SCAF1: variants seen among roughly 807,000 people sequenced by gnomAD.
SCAF1 encodes splicing factor, arginine/serine-rich 19.
A neutral mutation model predicts 91.2 loss-of-function variants in SCAF1; 28 were observed. That is an observed-to-expected ratio of 0.31 (90% CI 0.23 to 0.42). SCAF1 has a LOEUF of 0.42. Among genes scored for constraint, SCAF1 ranks in the 10% least tolerant of loss-of-function variants. The pLI is 1.00. For synonymous variants in SCAF1, 1,036 were observed against 833.7 expected, an observed-to-expected ratio of 1.24 and a Z score of -4.18; for missense variants, 1,893 against 1,872.1, an observed-to-expected ratio of 1.01 and a Z score of -0.21.
intron 9 of SCAF1, among the ~76,000 whole-genome samples, chr19:49,655,997 G>T (rs1309932841): frequency 6.6e-6 from 1 of 152,220 alleles, no homozygotes; most frequent in Admixed American, 6.5e-5. Flanking sequence ...CAGTCTAGTA[G>T]CCCATAGCCA....
At chr19:49,657,563 A>G (rs1475658803) in intron 9 of SCAF1, among the ~76,000 whole-genome samples, 198 bp from the exon 10 acceptor site, 4 of 152,216 alleles carry the variant, frequency 2.6e-5, no homozygotes, top group Non-Finnish European at 5.9e-5. Context: ...AGTGACATGC[A>G]GAGGCCCAGG....
intron 1 of SCAF1, among the ~76,000 whole-genome samples, chr19:49,643,817 G>A (rs963171674): frequency 6.6e-6 from 1 of 152,196 alleles, no homozygotes; most frequent in African/African-American, 2.4e-5. Flanking sequence ...GACTATCAGG[G>A]TTGGGTGTGT....
intron 9 of SCAF1, among the ~76,000 whole-genome samples, chr19:49,656,348 C>T (rs2081139350): frequency 6.6e-6 from 1 of 152,204 alleles, no homozygotes; most frequent in South Asian, 2.1e-4. Flanking sequence ...CCACAGAGTT[C>T]CCTAACAGCT....
rs2081098301 is a variant in SCAF1 at position 49,652,121 on chromosome 19, TCCC to T, written c.1733_1735del (p.Ser578_Arg579delinsCys). ...CGCCCGCCGCCGCTCCCGCTCCCGCTCCCGCTCCCGCTCCACCCGCCGCCGCTC... is the reference window on the plus strand; with the variant it reads ...CGCCCGCCGCCGCTCCCGCTCCCGCTGCTCCCGCTCCACCCGCCGCCGCTC... On this transcript the variant is annotated inframe_deletion, in exon 7 of 11. Transcript: ENST00000360565. 6 of 1,117,198 alleles carry T rather than the reference TCCC, an allele frequency of 5.4e-6. No individual in the cohort carries two copies. The highest frequency in any genetic ancestry group is 3.6e-5 in the African/African-American group (2 of 55,796). 69.2% of individuals were successfully genotyped at this position (1,117,198 alleles called of 1,614,324 possible).
chr19:49,652,742 G>C lies in SCAF1; in HGVS notation c.2353G>C (p.Asp785His). The change falls in exon 7 of 11, where the codon GAT (aspartate) becomes CAT (histidine). Residue 785 changes from aspartate (D) to histidine (H), a missense_variant. Around this residue, in one of 5 missense-constraint regions of SCAF1, gnomAD observed 1,436 missense variants for 1,306.8 expected, o/e 1.10. Transcript: ENST00000360565. ...GGDRDRDRDR[D>H]RDRDRSSKKA... ...TGACCGGGATCGGGACAGGGACAGA[G>C]ATAGGGACAGGGACAGGTCATCCAA... is the stretch of plus-strand genomic sequence containing the variant. The C allele has an allele frequency of 6.2e-7, 1 of 1,608,008 alleles. No homozygotes were observed. Among genetic ancestry groups the C allele is most frequent in the Non-Finnish European group, 8.5e-7 (1 of 1,177,474 alleles).
chr19:49,653,844 AAGGCCAGCC>A, intron 7 of SCAF1, 139 bp downstream of exon 7: 2 of 807,612 alleles, frequency 2.5e-6, no homozygotes, highest in Non-Finnish European at 3.6e-6. Context: ...GGGGTGAGTA[AAGGCCAGCC>A]AGGCTCTAGG....
At position 49,651,533 on chromosome 19, in the gene SCAF1, C is replaced by A. The variant is rs750314813; in HGVS notation, c.1144C>A (p.Pro382Thr). ...VTAGGAALPP[P>T]LLPPGDSEIE... ...CGCTGGTGGAGCCGCCCTCCCGCCG[C>A]CCCTGCTGCCGCCCGGCGACTCGGA... The change falls in exon 7 of 11, where the codon CCC (proline) becomes ACC (threonine). Residue 382 changes from proline to threonine, a missense_variant. Pro to Thr is a conservative substitution (Grantham distance 38). Around this residue, in one of 5 missense-constraint regions of SCAF1, gnomAD observed 1,436 missense variants for 1,306.8 expected, o/e 1.10. Transcript: ENST00000360565. The A allele has an allele frequency of 1.3e-6, 2 of 1,565,154 alleles. No individual in the cohort carries two copies. The highest frequency in any genetic ancestry group is 1.2e-5 in the South Asian group (1 of 85,654).
chr19:49,653,765 G>A (rs2081120646), intron 7 of SCAF1, 60 bp downstream of exon 7: 16 of 1,421,324 alleles, frequency 1.1e-5, no homozygotes, highest in Middle Eastern at 2.5e-4. Context: ...GGGACTGGAG[G>A]GTACAGACTT....
rs1382645957 is a variant in SCAF1 at position 49,654,644 on chromosome 19, TC to T, written c.3400-5del. On this transcript the variant is annotated splice_polypyrimidine_tract_variant and splice_region_variant and intron_variant, in intron 8 of 10. Transcript: ENST00000360565. ...TTTACTCATCACCCCTCTGTCCTCGTCCCACAGATCCTCAGCCACAGAAAGC... is the reference window on the plus strand; with the variant it reads ...TTTACTCATCACCCCTCTGTCCTCGTCCACAGATCCTCAGCCACAGAAAGC... 1 of 1,607,842 alleles carries T rather than the reference TC, an allele frequency of 6.2e-7. No individual in the cohort carries two copies. The highest frequency in any genetic ancestry group is 1.1e-5 in the South Asian group (1 of 90,668).
In SCAF1 at chr19:49,652,327, G is replaced by T; in HGVS notation, c.1938G>T (p.Arg646=). ...GCGGCAGCAAGAAGAAGAAGAAGCG[G>T]TCGCGGTCCCGGGGTGAGAAGCGGT... ...DGGGSKKKKK[R]SRSRGEKRSG... The change falls in exon 7 of 11, where the codon CGG becomes CGT. Residue 646 remains arginine, a synonymous_variant. Transcript: ENST00000360565. The T allele has an allele frequency of 1.3e-6, 2 of 1,535,204 alleles. No individual in the cohort carries two copies. The highest frequency in any genetic ancestry group is 1.7e-6 in the Non-Finnish European group (2 of 1,143,298).
intron 10 of SCAF1, 61 bp from the exon 11 acceptor site, chr19:49,658,147 G>T (rs112224675): frequency 1.3e-6 from 2 of 1,548,470 alleles, no homozygotes; most frequent in Non-Finnish European, 1.8e-6. Flanking sequence ...GCGCCCAACA[G>T]TCCTGGGTGG....
chr19:49,658,173 C>A (rs754923850), intron 10 of SCAF1, 35 bp from the exon 11 acceptor site: 1 of 1,594,504 alleles, frequency 6.3e-7, no homozygotes, highest in Non-Finnish European at 8.6e-7. Flanking sequence ...GCCCCGGGAG[C>A]CTGGTGGTGA....
At chr19:49,647,671 G>T (rs556976949) in intron 6 of SCAF1, among the ~76,000 whole-genome samples, 5 of 152,078 alleles carry the variant, frequency 3.3e-5, no homozygotes, top group Non-Finnish European at 7.4e-5. Flanking sequence ...TCGCTGTGTC[G>T]CCCAGGCTGG....
chr19:49,658,361 G>A lies in SCAF1; in HGVS notation c.3901G>A (p.Asp1301Asn). The change falls in exon 11 of 11, where the codon GAC becomes AAC. Residue 1301 changes from aspartate to asparagine, a missense_variant. Physicochemically the swap from Asp to Asn is conservative, Grantham distance 23. Around this residue, in one of 5 missense-constraint regions of SCAF1, gnomAD observed 51 missense variants for 49.9 expected, o/e 1.02. Transcript: ENST00000360565. ...PRPPKEPGPPDKGGPGLPLPP... is the reference protein window; with the variant it reads ...PRPPKEPGPPNKGGPGLPLPP... ...GCCGCCCAAGGAGCCAGGGCCCCCA[G>A]ACAAGGGTGGCCCGGGCCTGCCCCT... The A allele has an allele frequency of 6.4e-7, 1 of 1,562,208 alleles. No homozygotes were observed. Among genetic ancestry groups the A allele is most frequent in the Non-Finnish European group, 8.6e-7 (1 of 1,157,002 alleles).
At position 49,642,269 on chromosome 19, in the gene SCAF1, G is replaced by C. The variant is rs967457078; in HGVS notation, c.-7+27G>C. On this transcript the variant is annotated intron_variant, in intron 1 of 10. Transcript: ENST00000360565. The surrounding 1 kb of genome is among the most constrained non-coding windows in gnomAD (Gnocchi z 4.0). ...TAAGATGGCGGCGGCAGTCCGGGCC[G>C]CGGGGCTCGGGCCTATTGGGGTGGG... 23 of 152,274 alleles carry C rather than the reference G, an allele frequency of 1.5e-4. No homozygotes were observed. The highest frequency in any genetic ancestry group is 5.5e-4 in the African/African-American group (23 of 41,562). 9.4% of individuals were successfully genotyped at this position (152,274 alleles called of 1,614,324 possible). A position where few individuals can be genotyped will look rare whatever the true frequency, so the allele number is the denominator to read the frequency against.
rs377664353 is a variant in SCAF1 at position 49,646,070 on chromosome 19, T to C, written c.167-38T>C. 193 of 1,569,734 alleles carry C rather than the reference T, an allele frequency of 1.2e-4. No individual in the cohort carries two copies. Among genetic ancestry groups the C allele is most frequent in the Non-Finnish European group, 1.7e-4 (191 of 1,142,854 alleles). On this transcript the variant is annotated intron_variant, in intron 3 of 10. Transcript: ENST00000360565. The surrounding 1 kb of genome is among the most constrained non-coding windows in gnomAD (Gnocchi z 5.6). ...CTACCCCGCAAGTCTCTGCAGCAAG[T>C]CCCCTGTGTCCAATCCCCCATGCAA...
chr19:49,646,757 G>A lies in SCAF1; in HGVS notation c.405G>A (p.Gly135=). 6.2e-7 allele frequency: 1 copy of A among 1,613,970 alleles called. No individual in the cohort carries two copies. The highest frequency in any genetic ancestry group is 1.1e-5 in the South Asian group (1 of 91,062). The change falls in exon 6 of 11, where the codon GGG becomes GGA. Residue 135 remains glycine (G), a synonymous_variant. Coordinates refer to ENST00000360565, the MANE Select transcript of SCAF1 (RefSeq NM_021228.3). The surrounding 1 kb of genome is among the most constrained non-coding windows in gnomAD (Gnocchi z 5.6). ...AGCTGGTGGCTGAGGTCCGAATCGG[G>A]GACAGAGATCCCATCCCTCTGCCTG... is the stretch of plus-strand genomic sequence containing the variant. ...MLELVAEVRI[G]DRDPIPLPVP...
At chr19:49,647,535 G>A (rs1210961092) in intron 6 of SCAF1, among the ~76,000 whole-genome samples, 1 of 152,168 alleles carries the variant, frequency 6.6e-6, no homozygotes, top group Admixed American at 6.5e-5. Flanking sequence ...TGGAGGAGGG[G>A]TTGGAGGGAG....
In SCAF1 at chr19:49,646,232, G is replaced by C; in HGVS notation, c.261+30G>C. On this transcript the variant is annotated intron_variant, in intron 4 of 10. Coordinates refer to ENST00000360565, the MANE Select transcript of SCAF1 (RefSeq NM_021228.3). This position sits in a 1 kb window ranked among gnomAD's most constrained non-coding sequence, Gnocchi z 5.6. The stretch of plus-strand genomic sequence containing the variant: ...GTAAGAAGAGGGGGCTGGGGGCCTG[G>C]CTCACGGGTATCAGGGAGGAAGGGA... 6.4e-7 allele frequency: 1 copy of C among 1,563,428 alleles called. No homozygotes were observed. The highest frequency in any genetic ancestry group is 8.7e-7 in the Non-Finnish European group (1 of 1,149,286).
Sources: gnomAD v4.1 joint callset for allele counts (sites outside exome capture counted in the v4.1 genomes callset) on GRCh38, gnomAD v4.1.1 for gene constraint, gnomAD v4.1.1 regional missense constraint, Gnocchi (gnomAD v3.1) non-coding constraint, MANE v1.5 for transcripts, NCBI Gene and HGNC (gene_info 2026-07-23, HGNC 2026-07-21) for gene names.